Variants in ADAM32 observed in about 807,000 individuals in gnomAD.
ADAM32 encodes the protein ADAM metallopeptidase domain 32, also known as disintegrin and metalloproteinase domain-containing protein 32.
ADAM32 carries 89 observed loss-of-function variants against 114.9 expected under a neutral mutation model. That is an observed-to-expected ratio of 0.77 (90% CI 0.65 to 0.92). ADAM32 has a LOEUF of 0.92. Ranked by LOEUF, ADAM32 falls within the 40% of genes least tolerant of loss-of-function variation. The pLI is 0.00. For missense variants in ADAM32, 870 were observed against 932.8 expected (o/e 0.93, Z 0.88); for synonymous variants, 285 against 307.5 (o/e 0.93, Z 0.77).
At chr8:39,253,145 A>C (rs1421931988) in intron 17 of ADAM32, among the ~76,000 whole-genome samples, 1 of 151,722 alleles carries the variant, frequency 6.6e-6, no homozygotes, top group Non-Finnish European at 1.5e-5. Context: ...ATGGTTCAAA[A>C]TGCACAGATC....
intron 11 of ADAM32, among the ~76,000 whole-genome samples, chr8:39,187,365 G>A (rs1389333435): frequency 3.9e-5 from 6 of 152,096 alleles, no homozygotes; most frequent in African/African-American, 1.2e-4. Context: ...TCTGCCTCCC[G>A]GGTTCACACC....
chr8:39,201,928 A>G (rs1318531804), intron 11 of ADAM32, among the ~76,000 whole-genome samples: 3 of 152,160 alleles, frequency 2.0e-5, no homozygotes, highest in Non-Finnish European at 4.4e-5. Context: ...GCTGGATTAC[A>G]TTTATTGATT....
At chr8:39,126,213 A>T (rs892427810) in intron 2 of ADAM32, among the ~76,000 whole-genome samples, 8 of 152,132 alleles carry the variant, frequency 5.3e-5, no homozygotes, top group African/African-American at 1.9e-4. Flanking sequence ...GAAGAATGTC[A>T]ATGGTAGTGT....
chr8:39,265,156 C>T (rs780362060), intron 19 of ADAM32, among the ~76,000 whole-genome samples: 1 of 152,162 alleles, frequency 6.6e-6, no homozygotes, highest in African/African-American at 2.4e-5. Context: ...TCTCTAGGAA[C>T]TTGTTTTATG....
intron 17 of ADAM32, among the ~76,000 whole-genome samples, chr8:39,247,488 A>AT (rs931544497): frequency 3.7e-4 from 56 of 150,588 alleles, no homozygotes; most frequent in East Asian, 7.8e-4. Context: ...TTTTCCATCT[A>AT]TTTTTTTTTG....
chr8:39,136,666 T>G lies in ADAM32; in HGVS notation c.148T>G (p.Ser50Ala). 3.2e-6 allele frequency: 5 copies of G among 1,538,654 alleles called. No homozygotes were observed. The highest frequency in any genetic ancestry group is 3.5e-6 in the Non-Finnish European group (4 of 1,141,216). ...GTTTTGAATTCTCTAGGAACAAATA[T>G]CCTATATTATTCCAATAGATGAGAA... The part of the protein sequence containing the change: ...DSSEIEYEQI[S>A]YIIPIDEKLY... The change falls in exon 3 of 25, where the codon TCC becomes GCC. Residue 50 changes from serine (S) to alanine (A), a missense_variant. Coordinates refer to ENST00000379907, the MANE Select transcript of ADAM32 (RefSeq NM_145004.7).
intron 11 of ADAM32, among the ~76,000 whole-genome samples, chr8:39,195,992 T>C (rs913536493): frequency 6.6e-6 from 1 of 152,160 alleles, no homozygotes; most frequent in Non-Finnish European, 1.5e-5. Flanking sequence ...TTTTTCCATA[T>C]GTTTTTGTTC....
chr8:39,204,566 A>G (rs1807684064), intron 11 of ADAM32, among the ~76,000 whole-genome samples: 1 of 152,100 alleles, frequency 6.6e-6, no homozygotes, highest in African/African-American at 2.4e-5. Context: ...CTTCTTTGTG[A>G]TAGGTTCAAA....
intron 3 of ADAM32, among the ~76,000 whole-genome samples, chr8:39,141,653 G>C (rs565024236): frequency 2.8e-4 from 43 of 152,290 alleles, no homozygotes; most frequent in Admixed American, 1.2e-3. Flanking sequence ...GTGCTGAGAA[G>C]AATGTATATA....
At chr8:39,266,689 G>A (rs935032779) in intron 19 of ADAM32, among the ~76,000 whole-genome samples, 1 of 152,174 alleles carries the variant, frequency 6.6e-6, no homozygotes, top group Admixed American at 6.5e-5. Context: ...AATAGCTGGA[G>A]AGCTATTGTG....
At chr8:39,181,800 G>A (rs1805911048) in intron 10 of ADAM32, among the ~76,000 whole-genome samples, 1 of 152,152 alleles carries the variant, frequency 6.6e-6, no homozygotes, top group African/African-American at 2.4e-5. Flanking sequence ...AGGTGCTAGA[G>A]GAGTAATCAG....
At chr8:39,200,887 T>A (rs1250041630) in intron 11 of ADAM32, among the ~76,000 whole-genome samples, 1 of 152,218 alleles carries the variant, frequency 6.6e-6, no homozygotes, top group Non-Finnish European at 1.5e-5. Context: ...GGGAATCGTT[T>A]CCCCATTTCT....
chr8:39,231,285 G>A (rs967992560), intron 14 of ADAM32, among the ~76,000 whole-genome samples: 3 of 152,106 alleles, frequency 2.0e-5, no homozygotes, highest in African/African-American at 7.2e-5. Flanking sequence ...GGACCTGTAA[G>A]GAACTTCTAA....
chr8:39,214,053 T>A (rs1395159323), intron 12 of ADAM32, among the ~76,000 whole-genome samples: 1 of 152,206 alleles, frequency 6.6e-6, no homozygotes, highest in East Asian at 1.9e-4. Context: ...CTCCATTGTG[T>A]ATATGTACCA....
intron 17 of ADAM32, among the ~76,000 whole-genome samples, chr8:39,247,183 G>A (rs1810984299): frequency 1.3e-5 from 2 of 152,082 alleles, no homozygotes; most frequent in Non-Finnish European, 2.9e-5. Flanking sequence ...GTTTTTGTGT[G>A]GACATAAATT....
At chr8:39,283,740 G>A in intron 24 of ADAM32, 116 bp downstream of exon 24, 1 of 616,148 alleles carries the variant, frequency 1.6e-6, no homozygotes, top group Non-Finnish European at 2.6e-6. Flanking sequence ...GTAAAGTACT[G>A]CACCAATAAA....
chr8:39,214,842 C>T (rs1325923658), intron 12 of ADAM32, among the ~76,000 whole-genome samples: 1 of 151,972 alleles, frequency 6.6e-6, no homozygotes, highest in African/African-American at 2.4e-5. Flanking sequence ...TAAGTCTTTA[C>T]TACATTTTCA....
chr8:39,223,152 G>T lies in ADAM32; in HGVS notation c.1439G>T (p.Gly480Val). Residue 480 changes from glycine (G) to valine (V), a missense_variant, in exon 14 of 25, where the codon GGA becomes GTA. By Grantham distance (109) the Gly-to-Val change is moderately radical. Transcript: ENST00000379907. ...ECGPDITLIN[G>V]LSCKNNKFIC... ...GGTCCTGACATAACTTTAATCAATGGACTTTCATGCAAAAATAATAAGTTT... is the reference window on the plus strand; with the variant it reads ...GGTCCTGACATAACTTTAATCAATGTACTTTCATGCAAAAATAATAAGTTT... 6.3e-7 allele frequency: 1 copy of T among 1,599,378 alleles called. No individual in the cohort carries two copies. Among genetic ancestry groups the T allele is most frequent in the Non-Finnish European group, 8.5e-7 (1 of 1,173,068 alleles).
At chr8:39,217,165 G>T (rs1362437976) in intron 12 of ADAM32, among the ~76,000 whole-genome samples, 2 of 151,628 alleles carry the variant, frequency 1.3e-5, no homozygotes, top group Non-Finnish European at 1.5e-5. Context: ...TCTTTTTCCA[G>T]CACTTTTAAA....
Sources: allele counts gnomAD v4.1 joint callset (sites outside exome capture counted in the v4.1 genomes callset), GRCh38; gene constraint gnomAD v4.1.1; transcripts MANE v1.5; gene names NCBI Gene and HGNC (gene_info 2026-07-23, HGNC 2026-07-21).